The following ADARB1 variants were observed in gnomAD, a reference collection of about 807,000 sequenced individuals.
ADARB1 encodes adenosine deaminase RNA specific B1, also known as double-stranded RNA-specific editase 1.
A neutral mutation model predicts 52.4 loss-of-function variants in ADARB1; 10 were observed. The observed-to-expected ratio is 0.19, with a 90% confidence interval of 0.12 to 0.32. The LOEUF (loss-of-function observed/expected upper bound fraction) is 0.32, where lower values mean the gene tolerates loss of function less well. Ranked by LOEUF, ADARB1 falls within the 10% of genes least tolerant of loss-of-function variation. ADARB1 has a pLI of 1.00. For synonymous variants in ADARB1, 349 were observed against 371.1 expected (o/e 0.94, Z 0.68); for missense variants, 643 against 922.3 (o/e 0.70, Z 3.92).
At position 45,223,386 on chromosome 21, in the gene ADARB1, C is replaced by T. The variant is rs2092998697; in HGVS notation, c.*1189C>T. On this transcript the variant is annotated 3_prime_UTR_variant, in exon 11 of 11. Transcript: ENST00000348831. ...CCAGCGCCCAGCGTGCACGGGACGGCCCCACGACAGAGGGAGTCAGCCCGG... is the reference window on the plus strand; with the variant it reads ...CCAGCGCCCAGCGTGCACGGGACGGTCCCACGACAGAGGGAGTCAGCCCGG... 2.0e-6 allele frequency: 2 copies of T among 985,630 alleles called. No homozygotes were observed. The highest frequency in any genetic ancestry group is 1.2e-6 in the Non-Finnish European group (1 of 830,174). 61.1% of individuals were successfully genotyped at this position (985,630 alleles called of 1,614,324 possible).
chr21:45,183,466 G>A lies in ADARB1; in HGVS notation c.1352G>A (p.Cys451Tyr). The change falls in exon 7 of 11, where the codon TGT becomes TAT. Residue 451 changes from cysteine to tyrosine, a missense_variant. Coordinates refer to ENST00000348831, the MANE Select transcript of ADARB1 (RefSeq NM_001112.4). The part of the protein sequence containing the change: ...QFHLYISTSP[C>Y]GDARIFSPHE... ...CATCTGTACATCAGCACCTCTCCCT[G>A]TGGAGATGCCAGAATCTTCTCACCA... The A allele has an allele frequency of 6.2e-7, 1 of 1,612,302 alleles. No homozygotes were observed. The highest frequency in any genetic ancestry group is 2.2e-5 in the East Asian group (1 of 44,756).
intron 2 of ADARB1, among the ~76,000 whole-genome samples, chr21:45,132,509 A>T (rs1199524775): frequency 1.3e-5 from 2 of 152,184 alleles, no homozygotes. Flanking sequence ...TGAGGCCCTC[A>T]CAATTTTCTG....
At chr21:45,112,395 A>G (rs35515701) in intron 1 of ADARB1, among the ~76,000 whole-genome samples, 10,300 of 152,104 alleles carry the variant, frequency 0.068, 392 homozygotes, top group Middle Eastern at 0.11. Flanking sequence ...ACATGCACAC[A>G]AGGCCCTTGG....
At chr21:45,146,012 T>C (rs1303993975) in intron 2 of ADARB1, 1 of 152,140 alleles carries the variant, frequency 6.6e-6, no homozygotes, top group African/African-American at 2.4e-5. Context: ...GCCAGATGGC[T>C]GTTGTCACTG....
intron 2 of ADARB1, among the ~76,000 whole-genome samples, chr21:45,147,887 C>T (rs1170573632): frequency 6.6e-6 from 1 of 152,180 alleles, no homozygotes; most frequent in East Asian, 1.9e-4. Context: ...GCAGCGGTTC[C>T]TGCTTTACCA....
chr21:45,120,947 CTGTGTATTCTTGGTATG>C (rs1480171822), intron 1 of ADARB1: 3 of 152,188 alleles, frequency 2.0e-5, no homozygotes, highest in East Asian at 3.8e-4. Context: ...CTGAAGCCAG[CTGTGTATTCTTGGTATG>C]TGTGTATTCA....
intron 6 of ADARB1, 112 bp from the exon 7 acceptor site, chr21:45,183,250 C>A: frequency 9.9e-7 from 1 of 1,011,798 alleles, no homozygotes; most frequent in Non-Finnish European, 1.4e-6. Context: ...AATAAATATT[C>A]CAGTTCAAAC....
At chr21:45,183,576 G>C in intron 7 of ADARB1, 66 bp downstream of exon 7, 1 of 1,542,230 alleles carries the variant, frequency 6.5e-7, no homozygotes, top group African/African-American at 1.4e-5. Context: ...AAACTAACCT[G>C]TGTTAATATC....
Position 45,208,625 on chromosome 21 carries a change from CGT to C in ADARB1, c.1747+3903_1747+3904del, listed in dbSNP as rs140830100. 2.1e-3 allele frequency among the ~76,000 whole-genome samples: 307 copies of C among 149,168 alleles called. 5 individuals carry two copies. The East Asian group carries it at 0.027, about 13-fold the overall frequency. On this transcript the variant is annotated intron_variant, in intron 9 of 10. Transcript: ENST00000348831. The surrounding 1 kb of genome is among the most constrained non-coding windows in gnomAD (Gnocchi z 5.6). ...TGGAAAGTGTGTGTGTGTATGTGTG[CGT>C]GTGTGTGTGTGTGAGTGCATGTGAG...
rs2092942267 is a variant in ADARB1 at position 45,220,416 on chromosome 21, C to A, written c.1748-420C>A. 6.6e-6 allele frequency among the ~76,000 whole-genome samples: 1 copy of A among 152,160 alleles called. No individual in the cohort carries two copies. The highest frequency in any genetic ancestry group is 2.4e-5 in the African/African-American group (1 of 41,434). ...AGGTGGTGTGATACAGGAGCAACCCCCACCTGCACGACCTCATGGGACCCT... is the reference window on the plus strand; with the variant it reads ...AGGTGGTGTGATACAGGAGCAACCCACACCTGCACGACCTCATGGGACCCT... On this transcript the variant is annotated intron_variant, in intron 9 of 10. Transcript: ENST00000348831. This position sits in a 1 kb window ranked among gnomAD's most constrained non-coding sequence, Gnocchi z 6.3.
chr21:45,161,466 G>A (rs972381984), intron 2 of ADARB1, among the ~76,000 whole-genome samples: 6 of 152,246 alleles, frequency 3.9e-5, no homozygotes, highest in Non-Finnish European at 8.8e-5. Context: ...GTGTGTGTTT[G>A]CTCAGGGCAG....
Position 45,208,404 on chromosome 21 carries a change from AG to A in ADARB1, c.1747+3670del, listed in dbSNP as rs975314540. ...GGGTCCTTGTGAAGAGCTTGCATTT[AG>A]GTATCTCTGGGAGGACAGCACAGGG... On this transcript the variant is annotated intron_variant, in intron 9 of 10. Coordinates refer to ENST00000348831, the MANE Select transcript of ADARB1 (RefSeq NM_001112.4). The surrounding 1 kb of genome is among the most constrained non-coding windows in gnomAD (Gnocchi z 5.6). Among the ~76,000 whole-genome samples the A allele has an allele frequency of 1.3e-5, 2 of 152,194 alleles. No individual in the cohort carries two copies. Among genetic ancestry groups the A allele is most frequent in the Non-Finnish European group, 2.9e-5 (2 of 68,034 alleles).
chr21:45,191,880 A>ATTTTTTTTTT (rs777269104), intron 8 of ADARB1, among the ~76,000 whole-genome samples: 2 of 15,746 alleles, frequency 1.3e-4, no homozygotes, highest in African/African-American at 1.7e-4. Flanking sequence ...ATATATATAT[A>ATTTTTTTTTT]TTTTTTTTTT....
chr21:45,108,042 C>T (rs536650358), intron 1 of ADARB1, among the ~76,000 whole-genome samples: 3 of 152,016 alleles, frequency 2.0e-5, no homozygotes, highest in East Asian at 1.9e-4. Flanking sequence ...GGTGACAGAG[C>T]GAGACCCTGT....
At chr21:45,155,124 C>T (rs913335194) in intron 2 of ADARB1, among the ~76,000 whole-genome samples, 1 of 152,228 alleles carries the variant, frequency 6.6e-6, no homozygotes, top group African/African-American at 2.4e-5. Flanking sequence ...CGTGTATGCA[C>T]ATGTGAAGAC....
chr21:45,195,461 A>G (rs1469707357), intron 8 of ADARB1, among the ~76,000 whole-genome samples: 1 of 152,142 alleles, frequency 6.6e-6, no homozygotes, highest in African/African-American at 2.4e-5. Context: ...TTGATGTTAC[A>G]TCTGAAAAGT....
In ADARB1 at chr21:45,176,074, C is replaced by T; in HGVS notation, c.373C>T (p.Pro125Ser). ...VNGQVFEGSG[P>S]TKKKAKLHAA... ...TGGCCAGGTTTTTGAGGGCTCTGGTCCCACAAAGAAAAAGGCAAAACTCCA... is the reference window on the plus strand; with the variant it reads ...TGGCCAGGTTTTTGAGGGCTCTGGTTCCACAAAGAAAAAGGCAAAACTCCA... The change falls in exon 4 of 11, where the codon CCC becomes TCC. Residue 125 changes from proline (P) to serine (S), a missense_variant. Physicochemically the swap from Pro to Ser is moderately conservative, Grantham distance 74 (BLOSUM62 -1). Transcript: ENST00000348831. The surrounding 1 kb of genome is among the most constrained non-coding windows in gnomAD (Gnocchi z 5.8). 1 of 1,613,880 alleles carries T rather than the reference C, an allele frequency of 6.2e-7. No homozygotes were observed. The highest frequency in any genetic ancestry group is 1.1e-5 in the South Asian group (1 of 91,050).
intron 6 of ADARB1, 73 bp from the exon 7 acceptor site, chr21:45,183,289 C>G: frequency 7.2e-7 from 1 of 1,396,600 alleles, no homozygotes; most frequent in Non-Finnish European, 9.6e-7. Context: ...AAATACTAGC[C>G]TCTGAAAATG....
chr21:45,195,607 C>CTT (rs777342557), intron 8 of ADARB1, among the ~76,000 whole-genome samples: 3 of 140,990 alleles, frequency 2.1e-5, no homozygotes, highest in Admixed American at 1.4e-4. Context: ...TGCCTAGATT[C>CTT]TTTTTTTTTT....
Sources: allele counts gnomAD v4.1 joint callset (sites outside exome capture counted in the v4.1 genomes callset), GRCh38; gene constraint gnomAD v4.1.1; non-coding constraint Gnocchi (gnomAD v3.1); transcripts MANE v1.5; gene names NCBI Gene and HGNC (gene_info 2026-07-23, HGNC 2026-07-21).